The following OSBP2 variants were observed in gnomAD, a reference collection of about 807,000 sequenced individuals.
The protein encoded by OSBP2 is oxysterol binding protein 2.
Under a neutral mutation model 96.0 loss-of-function variants are expected in OSBP2, and 66 were observed. The observed-to-expected ratio is 0.69, with a 90% CI of 0.56 to 0.84. The LOEUF is 0.84. OSBP2 is among the 40% of genes least tolerant of loss of function. The pLI, the probability that OSBP2 is intolerant of heterozygous loss-of-function variation, is 0.00. For synonymous variants in OSBP2, 525 were observed against 520.9 expected, an observed-to-expected ratio of 1.01 and a Z score of -0.11; for missense variants, 1,038 against 1,222.7, an observed-to-expected ratio of 0.85 and a Z score of 2.25.
rs56875088 is a variant in OSBP2, at chr22:30,856,373, C to CTTTTTTTTTT, written c.854-14035_854-14026dup. 3.3e-3 allele frequency among the ~76,000 whole-genome samples: 332 copies of CTTTTTTTTTT among 101,374 alleles called. 9 individuals are homozygous for CTTTTTTTTTT. Among genetic ancestry groups the CTTTTTTTTTT allele is most frequent in the African/African-American group, 4.8e-3 (133 of 27,866 alleles). The allele number at this position is 101,374 out of a possible 152,430, so 66.5% of individuals were successfully genotyped here. A position where few individuals can be genotyped will look rare whatever the true frequency, so the allele number is the denominator to read the frequency against. On this transcript the variant is annotated intron_variant, in intron 2 of 13. Coordinates refer to ENST00000332585, the MANE Select transcript of OSBP2 (RefSeq NM_030758.4). The stretch of plus-strand genomic sequence containing the variant: ...CTTGGCAGTTGGAAACAGAGCCCTT[C>CTTTTTTTTTT]TTTTTTTTTTTTTTTTTTTTTTTTT...
At chr22:30,778,532 C>G (rs1166321487) in intron 2 of OSBP2, among the ~76,000 whole-genome samples, 2 of 152,116 alleles carry the variant, frequency 1.3e-5, no homozygotes, top group Non-Finnish European at 2.9e-5. Flanking sequence ...TGTTATAACA[C>G]CCACTGCCAT....
At chr22:30,740,901 C>T (rs2089928946) in intron 1 of OSBP2, among the ~76,000 whole-genome samples, 1 of 152,196 alleles carries the variant, frequency 6.6e-6, no homozygotes, top group Non-Finnish European at 1.5e-5. Context: ...TAGACCACAC[C>T]AGACACTCCC....
intron 1 of OSBP2, chr22:30,731,668 A>G (rs776024248): frequency 1.3e-5 from 2 of 154,614 alleles, no homozygotes; most frequent in African/African-American, 4.8e-5. Flanking sequence ...TCCTACTTCA[A>G]TGTGGGAATC....
intron 2 of OSBP2, among the ~76,000 whole-genome samples, chr22:30,831,067 T>C (rs536384768): frequency 6.6e-6 from 1 of 152,328 alleles, no homozygotes; most frequent in Non-Finnish European, 1.5e-5. Context: ...GTAAAGTTTT[T>C]CCTTTGTGTT....
chr22:30,769,026 G>A (rs947073912), intron 2 of OSBP2, among the ~76,000 whole-genome samples: 2 of 152,232 alleles, frequency 1.3e-5, no homozygotes, highest in Non-Finnish European at 2.9e-5. Context: ...GGTACCCCCT[G>A]CATTTCAGTT....
At chr22:30,905,176 C>T (rs1298708184) in intron 12 of OSBP2, among the ~76,000 whole-genome samples, 4 of 128,160 alleles carry the variant, frequency 3.1e-5, no homozygotes, top group Non-Finnish European at 4.8e-5. Context: ...GACGGAGCCT[C>T]GAACTGTCGC....
intron 1 of OSBP2, among the ~76,000 whole-genome samples, chr22:30,705,847 G>C (rs1318831885): frequency 1.3e-5 from 2 of 152,198 alleles, no homozygotes; most frequent in African/African-American, 2.4e-5. Context: ...GAGTGGAGGA[G>C]GGGGAGGGAA....
chr22:30,766,127 C>T (rs1602233771), intron 2 of OSBP2, among the ~76,000 whole-genome samples: 1 of 152,254 alleles, frequency 6.6e-6, no homozygotes, highest in East Asian at 1.9e-4. Flanking sequence ...CCTACCTACT[C>T]AAGAGACTGA....
intron 2 of OSBP2, among the ~76,000 whole-genome samples, chr22:30,869,643 C>A (rs1602387765): frequency 6.6e-6 from 1 of 152,182 alleles, no homozygotes; most frequent in East Asian, 1.9e-4. Flanking sequence ...TCAGGTGATC[C>A]TCCCACCTCA....
chr22:30,797,586 T>C (rs1170381692), intron 2 of OSBP2, among the ~76,000 whole-genome samples: 1 of 150,270 alleles, frequency 6.7e-6, no homozygotes, highest in African/African-American at 2.5e-5. Flanking sequence ...CTGGCCCTAT[T>C]TATTTTTATT....
chr22:30,858,069 G>C (rs1157203478), intron 2 of OSBP2, among the ~76,000 whole-genome samples: 1 of 152,098 alleles, frequency 6.6e-6, no homozygotes, highest in East Asian at 1.9e-4. Flanking sequence ...CCTCGCCAAG[G>C]GGGACCAATC....
At chr22:30,889,089 A>G (rs1414575108) in intron 5 of OSBP2, 88 bp from the exon 6 acceptor site, 7 of 1,167,810 alleles carry the variant, frequency 6.0e-6, no homozygotes, top group Non-Finnish European at 8.6e-6. Flanking sequence ...CTAGCAATGA[A>G]AATGATGTTG....
chr22:30,808,864 G>A (rs555384184), intron 2 of OSBP2, among the ~76,000 whole-genome samples: 7 of 152,170 alleles, frequency 4.6e-5, no homozygotes, highest in Non-Finnish European at 1.0e-4. Flanking sequence ...TGAGGCAGGA[G>A]AATCACTTGA....
chr22:30,752,081 C>G (rs927139033), intron 2 of OSBP2, among the ~76,000 whole-genome samples: 4 of 152,082 alleles, frequency 2.6e-5, no homozygotes, highest in African/African-American at 9.7e-5. Flanking sequence ...TTCCCTGGAG[C>G]CCAGGACCAG....
At chr22:30,860,936 G>C (rs1199407097) in intron 2 of OSBP2, among the ~76,000 whole-genome samples, 2 of 152,170 alleles carry the variant, frequency 1.3e-5, no homozygotes, top group Non-Finnish European at 2.9e-5. Flanking sequence ...ATCATCCCCA[G>C]GACAGCCGAG....
intron 2 of OSBP2, among the ~76,000 whole-genome samples, chr22:30,796,847 C>T (rs529821515): frequency 1.3e-5 from 2 of 152,284 alleles, no homozygotes; most frequent in South Asian, 4.1e-4. Context: ...CATATCATAA[C>T]GTTTACCATA....
At position 30,839,426 on chromosome 22, in the gene OSBP2, T is replaced by C. The variant is rs991434027; in HGVS notation, c.854-31003T>C. Among the ~76,000 whole-genome samples the C allele has an allele frequency of 3.4e-3, 425 of 125,526 alleles. 6 individuals carry two copies. Among genetic ancestry groups the C allele is most frequent in the African/African-American group, 0.014 (401 of 28,254 alleles). The allele number at this position is 125,526 out of a possible 152,430, so 82.3% of individuals were successfully genotyped here. On this transcript the variant is annotated intron_variant, in intron 2 of 13. Transcript: ENST00000332585. ...CTAGATCCCTGAGGAATCGCCACAC[T>C]GACTTCCACAATGGTTGAACTAGTT...
chr22:30,852,925 T>G (rs532955312), intron 2 of OSBP2, among the ~76,000 whole-genome samples: 4 of 152,300 alleles, frequency 2.6e-5, no homozygotes, highest in African/African-American at 7.2e-5. Flanking sequence ...ATATTCGGGG[T>G]TTTTTTCCAG....
chr22:30,893,499 A>C lies in OSBP2; in HGVS notation c.2027A>C (p.His676Pro). 1.2e-6 allele frequency: 2 copies of C among 1,614,190 alleles called. No homozygotes were observed. Among genetic ancestry groups the C allele is most frequent in the South Asian group, 2.2e-5 (2 of 91,078 alleles). The change falls in exon 10 of 14, where the codon CAC becomes CCC. Residue 676 changes from histidine to proline, a missense_variant. Transcript: ENST00000332585. ...TTAGAATTCCAGGCCAGTGGGAATC[A>C]CTACGTGTGGAGGAAGAGCACCTCA... ...IHLEFQASGN[H>P]YVWRKSTSTV...
Sources: gnomAD v4.1 joint callset for allele counts (sites outside exome capture counted in the v4.1 genomes callset) on GRCh38, gnomAD v4.1.1 for gene constraint, MANE v1.5 for transcripts, NCBI Gene and HGNC (gene_info 2026-07-23, HGNC 2026-07-21) for gene names.